Variants in ABCF1 observed in about 807,000 individuals in gnomAD.
ABCF1 encodes ATP binding cassette subfamily F member 1, also known as ATP-binding cassette sub-family F member 1.
ABCF1 carries 73 observed loss-of-function variants against 126.3 expected under a neutral mutation model. The observed-to-expected ratio is 0.58, with a 90% CI of 0.48 to 0.70. The LOEUF (loss-of-function observed/expected upper bound fraction) is 0.70. Among genes scored for constraint, ABCF1 ranks in the 30% least tolerant of loss-of-function variants. ABCF1 has a pLI of 0.00. For synonymous variants in ABCF1, 345 were observed against 396.4 expected (o/e 0.87, Z 1.54); for missense variants, 786 against 1,057.5 (o/e 0.74, Z 3.56).
At chr6:30,578,304 A>C in intron 4 of ABCF1, 44 bp from the exon 5 acceptor site, 1 of 1,613,870 alleles carries the variant, frequency 6.2e-7, no homozygotes, top group Non-Finnish European at 8.5e-7. Flanking sequence ...GGGGCCAGAC[A>C]TTGTAATTCT....
At chr6:30,580,104 T>G (rs1440664906) in intron 7 of ABCF1, 99 bp downstream of exon 7, 1 of 1,225,670 alleles carries the variant, frequency 8.2e-7, no homozygotes, top group Non-Finnish European at 1.1e-6. Context: ...CCCAGCACTT[T>G]GGGAGGCCGA....
intron 24 of ABCF1, 73 bp from the exon 25 acceptor site, chr6:30,590,462 C>T: frequency 2.5e-6 from 4 of 1,577,674 alleles, no homozygotes; most frequent in Non-Finnish European, 3.4e-6. Flanking sequence ...GCCTAGGACT[C>T]CCTTATTTCA....
At chr6:30,571,595 G>A (rs1045831442) in intron 1 of ABCF1, 35 bp downstream of exon 1, 1 of 1,596,400 alleles carries the variant, frequency 6.3e-7, no homozygotes. Context: ...ACGAGCAGAG[G>A]GGGAAGAGAG....
Position 30,584,814 on chromosome 6 carries a change from G to A in ABCF1, c.1391+248G>A, listed in dbSNP as rs150307034. On this transcript the variant is annotated intron_variant, in intron 14 of 24. Transcript: ENST00000326195. This position sits in a 1 kb window ranked among gnomAD's most constrained non-coding sequence, Gnocchi z 4.6. The stretch of plus-strand genomic sequence containing the variant: ...TGTAATCCCAGCACTTTGGAAGGCA[G>A]AGGCAGGAGGATTATCTTCAACCCA... Among the ~76,000 whole-genome samples, 18 of 152,296 alleles carry A rather than the reference G, an allele frequency of 1.2e-4. No homozygotes were observed. The East Asian group carries it at 3.5e-3, about 29-fold the overall frequency.
chr6:30,583,229 G>A lies in ABCF1; in HGVS notation c.915+41G>A, dbSNP rs1353665456. On this transcript the variant is annotated intron_variant, in intron 10 of 24. Transcript: ENST00000326195. This position sits in a 1 kb window ranked among gnomAD's most constrained non-coding sequence, Gnocchi z 4.1. ...GCCCCTTCCAGTCCACTTACCTAGG[G>A]AAGAGCCAGTTCTCTCATCTTCCCT... 1 of 1,575,890 alleles carries A rather than the reference G, an allele frequency of 6.3e-7. No homozygotes were observed.
In ABCF1 at chr6:30,580,007, T is replaced by C; in HGVS notation, c.564+2T>C. On this transcript the variant is annotated splice_donor_variant, in intron 7 of 24. Transcript: ENST00000326195. LOFTEE classifies it high-confidence loss of function. The stretch of plus-strand genomic sequence containing the variant: ...GAGAAGTCAAAAGGGAAGGCTAAGG[T>C]GAGAGAGTAACTAGCAGGAGGAGGT... 1 of 1,611,812 alleles carries C rather than the reference T, an allele frequency of 6.2e-7. No homozygotes were observed. The highest frequency in any genetic ancestry group is 1.1e-5 in the South Asian group (1 of 91,020).
At position 30,583,499 on chromosome 6, in the gene ABCF1, G is replaced by A. The variant is rs1188847347; in HGVS notation, c.916-109G>A. 16 of 1,165,742 alleles carry A rather than the reference G, an allele frequency of 1.4e-5. No individual in the cohort carries two copies. Among genetic ancestry groups the A allele is most frequent in the South Asian group, 2.6e-5 (2 of 75,660 alleles). 72.2% of individuals were successfully genotyped at this position (1,165,742 alleles called of 1,614,324 possible). Reference sequence around the variant, plus strand: ...GGAAGGGGATTATGCTGGAGGTAGCGGTTTGTCAGAGGCTTCCCTGCAGGG... The same window carrying A: ...GGAAGGGGATTATGCTGGAGGTAGCAGTTTGTCAGAGGCTTCCCTGCAGGG... On this transcript the variant is annotated intron_variant, in intron 10 of 24. Transcript: ENST00000326195. This position sits in a 1 kb window ranked among gnomAD's most constrained non-coding sequence, Gnocchi z 4.1.
In ABCF1 at chr6:30,590,814, C is replaced by A; in HGVS notation, c.*113C>A. ...GCCTGCAGCTGACCTGGCAACCATTCAGGCACATGAAGGTGGAGTGTGACC... is the reference window on the plus strand; with the variant it reads ...GCCTGCAGCTGACCTGGCAACCATTAAGGCACATGAAGGTGGAGTGTGACC... On this transcript the variant is annotated 3_prime_UTR_variant, in exon 25 of 25. Transcript: ENST00000326195. The A allele has an allele frequency of 8.2e-7, 1 of 1,223,930 alleles. No homozygotes were observed. The highest frequency in any genetic ancestry group is 1.1e-6 in the Non-Finnish European group (1 of 880,328). 75.8% of individuals were successfully genotyped at this position (1,223,930 alleles called of 1,614,324 possible).
rs1189922857 is a variant in ABCF1 at position 30,589,836 on chromosome 6, G to T, written c.2095G>T (p.Glu699Ter). The T allele has an allele frequency of 6.2e-7, 1 of 1,614,170 alleles. No homozygotes were observed. The highest frequency in any genetic ancestry group is 1.7e-5 in the Admixed American group (1 of 60,020). The change falls in exon 22 of 25, where the codon GAG becomes TAG. Residue 699 changes from glutamate (E) to a stop codon, truncating the protein, a stop_gained. Transcript: ENST00000326195. LOFTEE classifies it high-confidence loss of function. The stretch of plus-strand genomic sequence containing the variant: ...TGGCTTCTTCAACCAGCAGTATGCA[G>T]AGCAGCTGCGCATGGAGGAGACGCC... ...KIGFFNQQYA[E>*]QLRMEETPTE...
At chr6:30,571,605 G>C in intron 1 of ABCF1, 45 bp downstream of exon 1, 1 of 1,581,700 alleles carries the variant, frequency 6.3e-7, no homozygotes, top group Non-Finnish European at 8.6e-7. Flanking sequence ...GGGGAAGAGA[G>C]AGGAGACTGC....
chr6:30,575,538 G>T (rs1392259323), intron 1 of ABCF1, among the ~76,000 whole-genome samples: 2 of 152,008 alleles, frequency 1.3e-5, no homozygotes, highest in East Asian at 3.9e-4. Context: ...TCTACCTTCA[G>T]GGAAACAAGG....
rs1802173055 is a variant in ABCF1, at chr6:30,586,956, T to C, written c.2031+245T>C. ...ACGTGTTTTGGTTATACAAGAAATA[T>C]ATGTCTTTTATAGAACGATTAAAAA... is the stretch of plus-strand genomic sequence containing the variant. On this transcript the variant is annotated intron_variant, in intron 20 of 24. Coordinates refer to ENST00000326195, the MANE Select transcript of ABCF1 (RefSeq NM_001025091.2). This position sits in a 1 kb window ranked among gnomAD's most constrained non-coding sequence, Gnocchi z 4.9. 1.3e-5 allele frequency among the ~76,000 whole-genome samples: 2 copies of C among 152,098 alleles called. No homozygotes were observed. Among genetic ancestry groups the C allele is most frequent in the Non-Finnish European group, 2.9e-5 (2 of 68,016 alleles).
intron 9 of ABCF1, 116 bp from the exon 10 acceptor site, chr6:30,582,950 C>G: frequency 2.2e-6 from 3 of 1,384,514 alleles, no homozygotes; most frequent in Non-Finnish European, 3.0e-6. Context: ...ACCTCAGCCT[C>G]CCAGAGTGCT....
chr6:30,577,769 T>G, intron 2 of ABCF1, 49 bp from the exon 3 acceptor site: 1 of 1,578,164 alleles, frequency 6.3e-7, no homozygotes, highest in Non-Finnish European at 8.7e-7. Flanking sequence ...ACAGCCTGCT[T>G]GGATTGCTCT....
At position 30,586,205 on chromosome 6, in the gene ABCF1, C is replaced by T. The variant is rs1802120461; in HGVS notation, c.1785C>T (p.Ser595=). 3 of 1,613,950 alleles carry T rather than the reference C, an allele frequency of 1.9e-6. No individual in the cohort carries two copies. The East Asian group carries it at 6.7e-5, about 36-fold the overall frequency. ...GACGGAAAAACCAAGATGAGGAATC[C>T]CAGGAGGCCCCTGAGCTCCTGAAGC... ...KCRRKNQDEE[S]QEAPELLKRP... The change falls in exon 18 of 25, where the codon TCC becomes TCT. Residue 595 remains serine, a synonymous_variant. Coordinates refer to ENST00000326195, the MANE Select transcript of ABCF1 (RefSeq NM_001025091.2). This position sits in a 1 kb window ranked among gnomAD's most constrained non-coding sequence, Gnocchi z 4.9.
chr6:30,587,722 G>A (rs997130697), intron 20 of ABCF1, among the ~76,000 whole-genome samples: 1 of 151,512 alleles, frequency 6.6e-6, no homozygotes, highest in African/African-American at 2.4e-5. Context: ...GTTGGTGCAC[G>A]ACTGTAGTCC....
Position 30,586,688 on chromosome 6 carries a change from C to A in ABCF1, c.2008C>A (p.Leu670Met). 1 of 1,613,890 alleles carries A rather than the reference C, an allele frequency of 6.2e-7. No homozygotes were observed. The highest frequency in any genetic ancestry group is 1.1e-5 in the South Asian group (1 of 91,070). Residue 670 changes from leucine to methionine, a missense_variant, in exon 20 of 25, where the codon CTG becomes ATG. This residue lies in a region of ABCF1 where 288 missense variants were observed against 423.5 expected (regional missense o/e 0.68). Transcript: ENST00000326195. The surrounding 1 kb of genome is among the most constrained non-coding windows in gnomAD (Gnocchi z 4.9). The stretch of plus-strand genomic sequence containing the variant: ...TGTGGGGAAGAGTACGCTACTCCTG[C>A]TGCTGACTGGCAAGCTGACACCGGT... ...NGVGKSTLLL[L>M]LTGKLTPTHG...
Position 30,577,467 on chromosome 6 carries a change from A to C in ABCF1, c.120+12A>C. The C allele has an allele frequency of 6.2e-7, 1 of 1,612,702 alleles. No homozygotes were observed. The highest frequency in any genetic ancestry group is 8.5e-7 in the Non-Finnish European group (1 of 1,179,262). ...AGATCAAAAAAACGGTGAGAAAATGAGGGTTGAGGATAAGAAATGACTATG... is the reference window on the plus strand; with the variant it reads ...AGATCAAAAAAACGGTGAGAAAATGCGGGTTGAGGATAAGAAATGACTATG... On this transcript the variant is annotated intron_variant, in intron 2 of 24. Transcript: ENST00000326195.
chr6:30,577,884 G>GAGCAGCAGCAGCAGC lies in ABCF1; in HGVS notation c.189_203dup (p.Gln69_Gln73dup). 2 of 1,614,014 alleles carry GAGCAGCAGCAGCAGC rather than the reference G, an allele frequency of 1.2e-6. No individual in the cohort carries two copies. The highest frequency in any genetic ancestry group is 1.7e-6 in the Non-Finnish European group (2 of 1,180,010). On this transcript the variant is annotated inframe_insertion, in exon 3 of 25. Transcript: ENST00000326195. ...AGAAGAGAAAGTGCTCAAGGAGAAGGAGCAGCAGCAGCAGCAACAGCAACA... is the reference window on the plus strand; with the variant it reads ...AGAAGAGAAAGTGCTCAAGGAGAAGGAGCAGCAGCAGCAGCAGCAGCAGCAGCAGCAACAGCAACA...
Sources: gnomAD v4.1 joint callset for allele counts (sites outside exome capture counted in the v4.1 genomes callset) on GRCh38, gnomAD v4.1.1 for gene constraint, gnomAD v4.1.1 regional missense constraint, Gnocchi (gnomAD v3.1) non-coding constraint, MANE v1.5 for transcripts, NCBI Gene and HGNC (gene_info 2026-07-23, HGNC 2026-07-21) for gene names.